Variants in ST7 observed in about 807,000 individuals in gnomAD.
ST7 encodes suppression of tumorigenicity 7, also known as suppressor of tumorigenicity 7 protein.
Under a neutral mutation model 78.7 loss-of-function variants are expected in ST7, and 28 were observed. The observed-to-expected ratio is 0.36, with a 90% CI of 0.26 to 0.49. The LOEUF is 0.49. Ranked by LOEUF, ST7 falls within the 20% of genes least tolerant of loss-of-function variation. The pLI is 0.99. For synonymous variants in ST7, 247 were observed against 249.6 expected, an observed-to-expected ratio of 0.99 and a Z score of 0.10; for missense variants, 418 against 696.0, an observed-to-expected ratio of 0.60 and a Z score of 4.49.
chr7:117,059,293 C>T (rs900844916), intron 1 of ST7, among the ~76,000 whole-genome samples: 1 of 152,024 alleles, frequency 6.6e-6, no homozygotes, highest in Admixed American at 6.5e-5. Flanking sequence ...ACCAAAACAT[C>T]TAATGTACCT....
chr7:117,148,862 G>T (rs546577479), intron 9 of ST7, among the ~76,000 whole-genome samples: 1 of 152,110 alleles, frequency 6.6e-6, no homozygotes, highest in Non-Finnish European at 1.5e-5. Context: ...GGGCTGGCAG[G>T]GTTGCTTCTG....
At chr7:117,098,634 G>A (rs1308061702) in intron 1 of ST7, 4 of 324,490 alleles carry the variant, frequency 1.2e-5, no homozygotes, top group African/African-American at 6.8e-5. Context: ...TGTTGAATGA[G>A]TGAACGTGGG....
At chr7:116,991,565 A>G (rs1794430187) in intron 1 of ST7, among the ~76,000 whole-genome samples, 1 of 152,144 alleles carries the variant, frequency 6.6e-6, no homozygotes. Flanking sequence ...CATGATTCAA[A>G]TTATCTCCTA....
chr7:117,217,846 C>T (rs1318077204), intron 13 of ST7, among the ~76,000 whole-genome samples: 1 of 152,208 alleles, frequency 6.6e-6, no homozygotes, highest in Admixed American at 6.5e-5. Flanking sequence ...TGTGCTGTAA[C>T]CTCAGAGTGA....
At chr7:117,216,146 T>C (rs141774427) in intron 13 of ST7, among the ~76,000 whole-genome samples, 4 of 152,198 alleles carry the variant, frequency 2.6e-5, no homozygotes, top group African/African-American at 9.6e-5. Context: ...ACCTAGAAAA[T>C]GTGTCTGGTC....
chr7:117,118,945 G>C (rs190312524), intron 2 of ST7, among the ~76,000 whole-genome samples: 3 of 152,348 alleles, frequency 2.0e-5, no homozygotes. Context: ...GTGTACAACA[G>C]ATGCTTGTGT....
intron 1 of ST7, among the ~76,000 whole-genome samples, chr7:116,994,124 C>G (rs2116401100): frequency 6.6e-6 from 1 of 152,270 alleles, no homozygotes; most frequent in East Asian, 1.9e-4. Context: ...TTCATTTTCA[C>G]CAACTGAAAC....
chr7:117,178,392 A>T (rs182272961), intron 10 of ST7, among the ~76,000 whole-genome samples: 2 of 152,344 alleles, frequency 1.3e-5, no homozygotes, highest in Admixed American at 1.3e-4. Context: ...TCTGTTTGAA[A>T]CAAGCTGTGG....
At chr7:117,008,816 G>C (rs544009182) in intron 1 of ST7, among the ~76,000 whole-genome samples, 1 of 152,144 alleles carries the variant, frequency 6.6e-6, no homozygotes, top group Admixed American at 6.5e-5. Context: ...AAATATTGTT[G>C]AACAGGGTTT....
intron 1 of ST7, among the ~76,000 whole-genome samples, chr7:116,992,467 C>T (rs1562998005): frequency 6.6e-6 from 1 of 152,216 alleles, no homozygotes; most frequent in Non-Finnish European, 1.5e-5. Context: ...GAGCTTTATA[C>T]TGGCCCCTTT....
At chr7:117,058,012 C>T (rs1156776038) in intron 1 of ST7, among the ~76,000 whole-genome samples, 1 of 152,104 alleles carries the variant, frequency 6.6e-6, no homozygotes, top group Non-Finnish European at 1.5e-5. Context: ...CCACAGATGC[C>T]AGGATTTAGA....
At chr7:117,127,431 T>A (rs1189848660) in intron 3 of ST7, among the ~76,000 whole-genome samples, 2 of 151,918 alleles carry the variant, frequency 1.3e-5, no homozygotes, top group Non-Finnish European at 2.9e-5. Context: ...AACATAGCTG[T>A]GGCCTAATTT....
At chr7:117,205,026 C>A (rs931319777) in intron 12 of ST7, among the ~76,000 whole-genome samples, 2 of 152,136 alleles carry the variant, frequency 1.3e-5, no homozygotes, top group African/African-American at 4.8e-5. Flanking sequence ...TATGGTTGCA[C>A]CACTGCACTC....
chr7:117,165,806 A>G (rs1807509586), intron 9 of ST7, among the ~76,000 whole-genome samples: 1 of 152,156 alleles, frequency 6.6e-6, no homozygotes, highest in Non-Finnish European at 1.5e-5. Flanking sequence ...GAGCGGCCAG[A>G]TTGACCAGGA....
intron 1 of ST7, among the ~76,000 whole-genome samples, chr7:117,036,333 A>C (rs1452459730): frequency 1.3e-5 from 2 of 152,230 alleles, no homozygotes; most frequent in East Asian, 3.9e-4. Flanking sequence ...ATGATGCAGA[A>C]TATTTTATCA....
At chr7:117,003,336 C>T (rs1443302463) in intron 1 of ST7, among the ~76,000 whole-genome samples, 4 of 151,126 alleles carry the variant, frequency 2.6e-5, no homozygotes, top group Admixed American at 2.0e-4. Context: ...CTCACTCTGT[C>T]GCCCAGGCTA....
chr7:117,115,695 T>C (rs1359488580), intron 2 of ST7, among the ~76,000 whole-genome samples: 1 of 151,002 alleles, frequency 6.6e-6, no homozygotes, highest in Non-Finnish European at 1.5e-5. Context: ...TGGGATCATG[T>C]CTCTGGGTAA....
Position 117,230,028 on chromosome 7 carries a change from C to T in ST7, c.*171C>T, listed in dbSNP as rs780449353. On this transcript the variant is annotated 3_prime_UTR_variant, in exon 16 of 16. Coordinates refer to ENST00000323984, the MANE Select transcript of ST7 (RefSeq NM_001369598.1). ...AGCTGTTTTTGTTGTACAAAATTCA[C>T]TGATGTTCAGTTCTATTTTATTTTG... 1 of 744,962 alleles carries T rather than the reference C, an allele frequency of 1.3e-6. No homozygotes were observed. The highest frequency in any genetic ancestry group is 2.6e-5 in the East Asian group (1 of 37,804). The allele number at this position is 744,962 out of a possible 1,614,324, so 46.1% of individuals were successfully genotyped here.
At chr7:117,036,727 G>A (rs73714378) in intron 1 of ST7, among the ~76,000 whole-genome samples, 94 of 152,206 alleles carry the variant, frequency 6.2e-4, no homozygotes, top group African/African-American at 1.9e-3. Context: ...TATACATATG[G>A]TATGATATGA....
Sources: gnomAD v4.1 joint callset for allele counts (sites outside exome capture counted in the v4.1 genomes callset) on GRCh38, gnomAD v4.1.1 for gene constraint, MANE v1.5 for transcripts, NCBI Gene and HGNC (gene_info 2026-07-23, HGNC 2026-07-21) for gene names.